The following EIF2S2 variants were observed in gnomAD, a reference collection of about 807,000 sequenced individuals.
The protein encoded by EIF2S2 is eukaryotic translation initiation factor 2 subunit beta, also known as eukaryotic translation initiation factor 2 subunit 2.
Under a neutral mutation model 44.0 loss-of-function variants are expected in EIF2S2, and 4 were observed. The observed-to-expected ratio is 0.09, with a 90% CI of 0.04 to 0.21. The LOEUF (loss-of-function observed/expected upper bound fraction) is 0.21, where lower values mean the gene tolerates loss of function less well. Among genes scored for constraint, EIF2S2 ranks in the 10% least tolerant of loss-of-function variants. The probability of loss-of-function intolerance (pLI) is 1.00; values close to 1 mark genes in which losing one functional copy is unlikely to be tolerated. For synonymous variants in EIF2S2, 108 were observed against 128.3 expected, an observed-to-expected ratio of 0.84 and a Z score of 1.07; for missense variants, 154 against 392.0, an observed-to-expected ratio of 0.39 and a Z score of 5.13.
chr20:34,098,367 C>T (rs902299129), intron 4 of EIF2S2, 131 bp downstream of exon 4: 8 of 937,316 alleles, frequency 8.5e-6, no homozygotes, highest in East Asian at 5.0e-5. Context: ...TGTTTCCTTT[C>T]GCTTCCATTA....
intron 4 of EIF2S2, 125 bp from the exon 5 acceptor site, chr20:34,097,641 A>T (rs1335257840): frequency 4.5e-5 from 31 of 686,446 alleles, no homozygotes; most frequent in Non-Finnish European, 7.2e-5. Context: ...CATTCACAAC[A>T]GCCTTAAGCA....
chr20:34,095,330 T>TG (rs1568713303), intron 6 of EIF2S2, among the ~76,000 whole-genome samples: 3 of 98,388 alleles, frequency 3.0e-5, no homozygotes, highest in African/African-American at 6.6e-5. Context: ...TTTTTTTTTT[T>TG]GACAGAGTCT....
chr20:34,093,877 A>C, intron 6 of EIF2S2, 146 bp from the exon 7 acceptor site: 1 of 718,566 alleles, frequency 1.4e-6, no homozygotes, highest in Non-Finnish European at 2.2e-6. Context: ...TGAAATAAAG[A>C]TACAGTATAT....
Position 34,103,495 on chromosome 20 carries a change from T to G in EIF2S2, c.264A>C (p.Ile88=). ...CTTCTTCAGCTTCATCAATATCAAA[T>G]ATCTTTTTAGTTTTTTTCTTCTTTT... ...QKKKKKKTKK[I]FDIDEAEEGV... Residue 88 remains isoleucine (I), a synonymous_variant, in exon 3 of 9, where the codon ATA becomes ATC. Transcript: ENST00000374980. 2 of 1,566,218 alleles carry G rather than the reference T, an allele frequency of 1.3e-6. No individual in the cohort carries two copies. The highest frequency in any genetic ancestry group is 1.7e-6 in the Non-Finnish European group (2 of 1,152,366).
chr20:34,097,859 A>G (rs1424759966), intron 4 of EIF2S2, among the ~76,000 whole-genome samples: 2 of 152,254 alleles, frequency 1.3e-5, no homozygotes, highest in Non-Finnish European at 2.9e-5. Context: ...ATCAACATCC[A>G]TAAAACTCAT....
intron 7 of EIF2S2, among the ~76,000 whole-genome samples, chr20:34,092,620 C>A (rs2034179937): frequency 6.6e-6 from 1 of 152,126 alleles, no homozygotes; most frequent in Non-Finnish European, 1.5e-5. Flanking sequence ...TGAGCCGAGA[C>A]TGTGCCACTG....
intron 7 of EIF2S2, among the ~76,000 whole-genome samples, chr20:34,091,060 AT>A (rs1288919969): frequency 6.6e-6 from 1 of 152,102 alleles, no homozygotes; most frequent in Non-Finnish European, 1.5e-5. Context: ...CTCAAAATTT[AT>A]TTTTAATTAA....
At chr20:34,091,995 G>C (rs1490274882) in intron 7 of EIF2S2, among the ~76,000 whole-genome samples, 1 of 152,130 alleles carries the variant, frequency 6.6e-6, no homozygotes, top group Non-Finnish European at 1.5e-5. Context: ...ATAGGAAACT[G>C]TTGACAGGCA....
chr20:34,099,354 T>C (rs2034269180), intron 3 of EIF2S2, among the ~76,000 whole-genome samples: 1 of 149,756 alleles, frequency 6.7e-6, no homozygotes, highest in Admixed American at 6.6e-5. Context: ...GGAAACTCTG[T>C]CTCAAAGAAA....
chr20:34,088,831 A>G lies in EIF2S2; in HGVS notation c.*899T>C, dbSNP rs2034126286. 1 of 152,230 alleles carries G rather than the reference A, an allele frequency of 6.6e-6. No individual in the cohort carries two copies. Among genetic ancestry groups the G allele is most frequent in the Non-Finnish European group, 1.5e-5 (1 of 68,042 alleles). 9.4% of individuals were successfully genotyped at this position (152,230 alleles called of 1,614,324 possible). On this transcript the variant is annotated 3_prime_UTR_variant, in exon 9 of 9. Coordinates refer to ENST00000374980, the MANE Select transcript of EIF2S2 (RefSeq NM_003908.5). ...AAAAGCGACTTTTAAATCAGAAAATAGAAAAAGCATTTGTGGTGGGTCTTT... is the reference window on the plus strand; with the variant it reads ...AAAAGCGACTTTTAAATCAGAAAATGGAAAAAGCATTTGTGGTGGGTCTTT...
intron 4 of EIF2S2, among the ~76,000 whole-genome samples, 198 bp downstream of exon 4, chr20:34,098,300 G>A (rs2034255497): frequency 6.6e-6 from 1 of 151,700 alleles, no homozygotes; most frequent in South Asian, 2.1e-4. Flanking sequence ...GAATCAGTAT[G>A]TTTTTAATGT....
rs4012181 is a variant in EIF2S2, at chr20:34,091,776, T to TTG, written c.741-1175_741-1174insCA. ...TATTATTTATATATATTTATTTTTTTGGGGGGGGGGGGTCCAAGGGTGGAG... is the reference window on the plus strand; with the variant it reads ...TATTATTTATATATATTTATTTTTTTTGGGGGGGGGGGGGTCCAAGGGTGGAG... On this transcript the variant is annotated intron_variant, in intron 7 of 8. Coordinates refer to ENST00000374980, the MANE Select transcript of EIF2S2 (RefSeq NM_003908.5). 3.3e-3 allele frequency among the ~76,000 whole-genome samples: 318 copies of TTG among 95,810 alleles called. 21 individuals carry two copies. Among genetic ancestry groups the TTG allele is most frequent in the Middle Eastern group, 8.6e-3 (1 of 116 alleles). 62.9% of individuals were successfully genotyped at this position (95,810 alleles called of 152,430 possible).
chr20:34,101,400 C>T (rs1237326056), intron 3 of EIF2S2, among the ~76,000 whole-genome samples: 4 of 152,172 alleles, frequency 2.6e-5, no homozygotes, highest in African/African-American at 9.7e-5. Flanking sequence ...TGCGCCACTG[C>T]ACTCCAGCCT....
chr20:34,110,239 A>G (rs574139701), intron 1 of EIF2S2, among the ~76,000 whole-genome samples: 1 of 152,314 alleles, frequency 6.6e-6, no homozygotes, highest in Non-Finnish European at 1.5e-5. Flanking sequence ...ATCATTTTCA[A>G]GTACAGAGTT....
At chr20:34,110,082 G>A (rs1354552953) in intron 1 of EIF2S2, among the ~76,000 whole-genome samples, 1 of 122,204 alleles carries the variant, frequency 8.2e-6, no homozygotes, top group Admixed American at 9.3e-5. Flanking sequence ...CAGCGACAGT[G>A]CGAAATTCCA....
chr20:34,107,772 G>C (rs987243587), intron 1 of EIF2S2, among the ~76,000 whole-genome samples: 1 of 152,170 alleles, frequency 6.6e-6, no homozygotes, highest in Admixed American at 6.5e-5. Context: ...AGGTAATACA[G>C]TTACTGTCCT....
chr20:34,111,439 C>T (rs1192539924), intron 1 of EIF2S2, among the ~76,000 whole-genome samples: 7 of 152,202 alleles, frequency 4.6e-5, no homozygotes, highest in Non-Finnish European at 1.0e-4. Context: ...AAGATCCAGC[C>T]AGTTTCACAG....
chr20:34,091,827 A>G (rs2122390794), intron 7 of EIF2S2, among the ~76,000 whole-genome samples: 1 of 149,226 alleles, frequency 6.7e-6, no homozygotes, highest in African/African-American at 2.5e-5. Flanking sequence ...GAGAAAGAAT[A>G]GCTCTGTCTT....
Position 34,092,585 on chromosome 20 carries a change from A to G in EIF2S2, c.740+1090T>C, listed in dbSNP as rs189169583. On this transcript the variant is annotated intron_variant, in intron 7 of 8. Transcript: ENST00000374980. ...CAGGAGGCTGAGGCAGGAGAATGGCATGAACCCGGGAAGCAGGCTTGCAGT... is the reference window on the plus strand; with the variant it reads ...CAGGAGGCTGAGGCAGGAGAATGGCGTGAACCCGGGAAGCAGGCTTGCAGT... Among the ~76,000 whole-genome samples the G allele has an allele frequency of 1.3e-5, 2 of 152,106 alleles. 1 individual carries two copies. Among genetic ancestry groups the G allele is most frequent in the Non-Finnish European group, 2.9e-5 (2 of 68,004 alleles).
Sources: allele counts gnomAD v4.1 joint callset (sites outside exome capture counted in the v4.1 genomes callset), GRCh38; gene constraint gnomAD v4.1.1; transcripts MANE v1.5; gene names NCBI Gene and HGNC (gene_info 2026-07-23, HGNC 2026-07-21).